The following RHEX variants were observed in gnomAD, a reference collection of about 807,000 sequenced individuals.
The protein encoded by RHEX is regulator of hemoglobinization and erythroid cell expansion.
In RHEX, 18 loss-of-function variants were observed where a neutral mutation model predicts 20.1. That is an observed-to-expected ratio of 0.90 (90% CI 0.62 to 1.33). The LOEUF is 1.33. Among genes scored for constraint, RHEX ranks in the 40% most tolerant of loss-of-function variants. The probability of loss-of-function intolerance (pLI) is 0.00; values close to 1 mark genes in which losing one functional copy is unlikely to be tolerated. For synonymous variants in RHEX, 87 were observed against 77.1 expected (o/e 1.13, Z -0.67); for missense variants, 192 against 214.3 (o/e 0.90, Z 0.65).
chr1:206,076,511 G>C (rs1553285267), intron 1 of RHEX, among the ~76,000 whole-genome samples: 1 of 152,184 alleles, frequency 6.6e-6, no homozygotes, highest in Non-Finnish European at 1.5e-5. Flanking sequence ...TTGTACCAGA[G>C]GCTCACGCCC....
At chr1:206,054,021 T>C (rs1662132753) in intron 1 of RHEX, among the ~76,000 whole-genome samples, 1 of 151,964 alleles carries the variant, frequency 6.6e-6, no homozygotes, top group Admixed American at 6.6e-5. Flanking sequence ...AAGTTAACAG[T>C]GTAACATGTA....
chr1:206,063,673 C>A (rs905750533), intron 1 of RHEX, among the ~76,000 whole-genome samples: 18 of 152,276 alleles, frequency 1.2e-4, no homozygotes, highest in Admixed American at 3.3e-4. Flanking sequence ...GGATTGCAGA[C>A]GGAGTCTGGT....
At chr1:206,063,918 C>T (rs1662358143) in intron 1 of RHEX, among the ~76,000 whole-genome samples, 1 of 151,590 alleles carries the variant, frequency 6.6e-6, no homozygotes. Context: ...AGCGTCTCTG[C>T]CCGGCCGCCA....
chr1:206,098,326 C>T (rs1398960194), intron 3 of RHEX, 145 bp downstream of exon 3: 7 of 621,498 alleles, frequency 1.1e-5, no homozygotes, highest in Non-Finnish European at 1.8e-5. Context: ...TCCCACCGCT[C>T]CCCCTCCCCC....
intron 1 of RHEX, among the ~76,000 whole-genome samples, chr1:206,087,365 T>C (rs1558177320): frequency 1.3e-5 from 2 of 152,222 alleles, no homozygotes; most frequent in African/African-American, 2.4e-5. Context: ...GTCCTTCAAA[T>C]AATTCCCTCT....
chr1:206,098,937 T>C (rs1228722928), intron 3 of RHEX, among the ~76,000 whole-genome samples: 1 of 151,856 alleles, frequency 6.6e-6, no homozygotes, highest in African/African-American at 2.4e-5. Context: ...GGAGGAAAAA[T>C]GGAACAAGGG....
Position 206,075,849 on chromosome 1 carries a change from G to A in RHEX, c.-96-21884G>A, listed in dbSNP as rs551443767. Among the ~76,000 whole-genome samples, 20 of 152,066 alleles carry A rather than the reference G, an allele frequency of 1.3e-4. No homozygotes were observed. The East Asian group carries it at 2.1e-3, about 16-fold the overall frequency. On this transcript the variant is annotated intron_variant, in intron 1 of 5. Transcript: ENST00000331555. ...ACTCCTGACCTCAAGTGATCCACCCGCCTCAGCCTCCCAAGTCCTACGATT... is the reference window on the plus strand; with the variant it reads ...ACTCCTGACCTCAAGTGATCCACCCACCTCAGCCTCCCAAGTCCTACGATT...
In RHEX at chr1:206,101,738, G is replaced by A. The variant is rs190393392; in HGVS notation, c.319-14G>A. ...TAGGGATCTTGACCCACATGTCTCT[G>A]CTTTTCTCCTAAGGCCACAGAGGAT... is the stretch of plus-strand genomic sequence containing the variant. On this transcript the variant is annotated splice_polypyrimidine_tract_variant and intron_variant, in intron 5 of 5. Transcript: ENST00000331555. 3.9e-4 allele frequency: 629 copies of A among 1,605,092 alleles called. 3 individuals are homozygous for A. In the Admixed American group the frequency reaches 9.8e-3, roughly 25 times the overall value.
Position 206,099,712 on chromosome 1 carries a change from C to T in RHEX, c.170C>T (p.Pro57Leu), listed in dbSNP as rs1553288158. The T allele has an allele frequency of 1.2e-6, 2 of 1,614,004 alleles. No homozygotes were observed. Among genetic ancestry groups the T allele is most frequent in the African/African-American group, 1.3e-5 (1 of 74,922 alleles). Residue 57 changes from proline (P) to leucine (L), a missense_variant, in exon 4 of 6, where the codon CCT (proline) becomes CTT (leucine). By Grantham distance (98) the Pro-to-Leu change is moderately conservative. Coordinates refer to ENST00000331555, the MANE Select transcript of RHEX (RefSeq NM_001007544.4). ...AASLQVPRPS[P>L]GHHHPPAVKE... ...AGTCTCCAGGTTCCCAGGCCCAGCC[C>T]TGGCCACCATCATCCACCTGCTGTC...
chr1:206,095,181 A>G (rs1663039782), intron 1 of RHEX, among the ~76,000 whole-genome samples: 1 of 152,172 alleles, frequency 6.6e-6, no homozygotes, highest in African/African-American at 2.4e-5. Flanking sequence ...GTAAAACTCA[A>G]AGGTGGCAAA....
At chr1:206,083,061 T>C (rs782478205) in intron 1 of RHEX, among the ~76,000 whole-genome samples, 8 of 152,182 alleles carry the variant, frequency 5.3e-5, no homozygotes, top group Admixed American at 4.6e-4. Context: ...TTTATTCTTA[T>C]CTATTGCCCA....
At chr1:206,065,081 T>C in intron 1 of RHEX, among the ~76,000 whole-genome samples, 1 of 152,164 alleles carries the variant, frequency 6.6e-6, no homozygotes, top group Middle Eastern at 3.4e-3. Context: ...GAAGGCAGCA[T>C]GCTCATTAAG....
At chr1:206,101,220 T>C in intron 5 of RHEX, 23 bp downstream of exon 5, 1 of 1,586,582 alleles carries the variant, frequency 6.3e-7, no homozygotes, top group Non-Finnish European at 8.6e-7. Context: ...CCTAGTGATC[T>C]CAGACGAACA....
chr1:206,075,495 T>G (rs1662620423), intron 1 of RHEX, among the ~76,000 whole-genome samples: 1 of 152,208 alleles, frequency 6.6e-6, no homozygotes, highest in Non-Finnish European at 1.5e-5. Context: ...GATACAGCAT[T>G]AAATTTTTAA....
At chr1:206,076,038 A>T (rs903855346) in intron 1 of RHEX, among the ~76,000 whole-genome samples, 8 of 152,248 alleles carry the variant, frequency 5.3e-5, no homozygotes, top group African/African-American at 1.9e-4. Context: ...AGATGTGCTA[A>T]TGCAATAGGC....
chr1:206,084,637 G>A (rs1301953027), intron 1 of RHEX, among the ~76,000 whole-genome samples: 3 of 152,196 alleles, frequency 2.0e-5, no homozygotes, highest in Non-Finnish European at 4.4e-5. Flanking sequence ...GGCTGATCCT[G>A]CTTCTCGTTC....
At chr1:206,066,509 C>T (rs1042253927) in intron 1 of RHEX, among the ~76,000 whole-genome samples, 14 of 152,068 alleles carry the variant, frequency 9.2e-5, no homozygotes, top group African/African-American at 2.9e-4. Flanking sequence ...CCCAGCTACT[C>T]CGGAGGCTGA....
chr1:206,095,540 G>A (rs1490167523), intron 1 of RHEX, among the ~76,000 whole-genome samples: 3 of 151,834 alleles, frequency 2.0e-5, no homozygotes. Flanking sequence ...ATTTTGGCTG[G>A]GCGCGGTGGC....
At chr1:206,099,861 G>A (rs1553288183) in intron 4 of RHEX, 63 bp downstream of exon 4, 2 of 1,534,316 alleles carry the variant, frequency 1.3e-6, no homozygotes, top group Non-Finnish European at 1.8e-6. Context: ...TGGACACCCA[G>A]GACCTCCCTG....
Sources: gnomAD v4.1 joint callset for allele counts (sites outside exome capture counted in the v4.1 genomes callset) on GRCh38, gnomAD v4.1.1 for gene constraint, MANE v1.5 for transcripts, NCBI Gene and HGNC (gene_info 2026-07-23, HGNC 2026-07-21) for gene names.